Variants in ROR1 observed in about 807,000 individuals in gnomAD.
ROR1 encodes inactive tyrosine-protein kinase transmembrane receptor ROR1.
Under a neutral mutation model 78.8 loss-of-function variants are expected in ROR1, and 19 were observed. That is an observed-to-expected ratio of 0.24 (90% confidence interval 0.17 to 0.35). ROR1 has a LOEUF of 0.35. Ranked by LOEUF, ROR1 falls within the 10% of genes least tolerant of loss-of-function variation. ROR1 has a pLI of 1.00. For synonymous variants in ROR1, 386 were observed against 433.6 expected, an observed-to-expected ratio of 0.89 and a Z score of 1.36; for missense variants, 917 against 1,177.8, an observed-to-expected ratio of 0.78 and a Z score of 3.24.
chr1:63,909,843 T>C (rs1215008900), intron 1 of ROR1, among the ~76,000 whole-genome samples: 1 of 152,200 alleles, frequency 6.6e-6, no homozygotes, highest in Non-Finnish European at 1.5e-5. Context: ...TCCTGGCTTA[T>C]TTTAAAGCAT....
intron 4 of ROR1, among the ~76,000 whole-genome samples, chr1:64,055,620 C>T (rs1278879133): frequency 3.9e-5 from 6 of 152,310 alleles, no homozygotes. Context: ...GGGTTCCATG[C>T]GTACTCTTTA....
intron 2 of ROR1, among the ~76,000 whole-genome samples, chr1:64,014,472 G>T (rs1570059690): frequency 1.3e-5 from 2 of 151,176 alleles, no homozygotes; most frequent in Admixed American, 1.3e-4. Flanking sequence ...GATCTACAGG[G>T]GCTCAACCTC....
At chr1:63,904,944 C>T (rs1038440718) in intron 1 of ROR1, among the ~76,000 whole-genome samples, 3 of 152,164 alleles carry the variant, frequency 2.0e-5, no homozygotes, top group Non-Finnish European at 2.9e-5. Context: ...CCTTAACCTA[C>T]ATTTTAACTG....
At chr1:64,093,744 T>G (rs1647227940) in intron 4 of ROR1, among the ~76,000 whole-genome samples, 1 of 152,086 alleles carries the variant, frequency 6.6e-6, no homozygotes, top group Admixed American at 6.6e-5. Context: ...CAGCTAGAGA[T>G]CTCAGTGCCA....
intron 2 of ROR1, among the ~76,000 whole-genome samples, chr1:64,027,523 C>T (rs564597868): frequency 5.9e-5 from 9 of 152,268 alleles, no homozygotes; most frequent in Non-Finnish European, 1.0e-4. Context: ...TTCTCATACT[C>T]ATTGTTTAAT....
chr1:63,806,743 C>A (rs962446663), intron 1 of ROR1, among the ~76,000 whole-genome samples: 1 of 152,102 alleles, frequency 6.6e-6, no homozygotes, highest in Admixed American at 6.5e-5. Flanking sequence ...ACCTTTGTAT[C>A]TTTGTATTGT....
intron 2 of ROR1, among the ~76,000 whole-genome samples, chr1:64,012,638 G>A (rs1300569683): frequency 1.3e-5 from 2 of 152,108 alleles, no homozygotes; most frequent in African/African-American, 4.8e-5. Flanking sequence ...ATGCATACAA[G>A]GGAGGGGAAG....
intron 2 of ROR1, among the ~76,000 whole-genome samples, chr1:64,043,353 A>G (rs12125506): frequency 0.072 from 10,919 of 152,262 alleles, 656 homozygotes; most frequent in African/African-American, 0.16. Context: ...AATGCCTATG[A>G]AGTTCACAAT....
In ROR1 at chr1:64,177,534, A is replaced by G; in HGVS notation, c.1493A>G (p.Asp498Gly). The G allele has an allele frequency of 6.2e-7, 1 of 1,614,112 alleles. No homozygotes were observed. The highest frequency in any genetic ancestry group is 8.5e-7 in the Non-Finnish European group (1 of 1,180,000). The change falls in exon 9 of 9, where the codon GAC becomes GGC. Residue 498 changes from aspartate to glycine, a missense_variant. Asp to Gly is a moderately conservative substitution (Grantham distance 94). Transcript: ENST00000371079. ...GGCCATCTCTATCTCCCAGGCATGGACCATGCTCAGCTGGTTGCTATCAAG... is the reference window on the plus strand; with the variant it reads ...GGCCATCTCTATCTCCCAGGCATGGGCCATGCTCAGCTGGTTGCTATCAAG... ...YKGHLYLPGM[D>G]HAQLVAIKTL... is the part of the protein sequence containing the mutation.
intron 2 of ROR1, among the ~76,000 whole-genome samples, chr1:64,015,695 C>T (rs955694670): frequency 1.3e-5 from 2 of 152,086 alleles, no homozygotes; most frequent in South Asian, 2.1e-4. Context: ...GCTCTTGGCA[C>T]GTGGCAAGCT....
At chr1:64,154,469 T>C (rs1408143962) in intron 7 of ROR1, among the ~76,000 whole-genome samples, 1 of 152,256 alleles carries the variant, frequency 6.6e-6, no homozygotes, top group Non-Finnish European at 1.5e-5. Context: ...CTTTGCCATA[T>C]TTAAAACCAG....
intron 1 of ROR1, among the ~76,000 whole-genome samples, chr1:63,929,131 G>A (rs1306720311): frequency 6.6e-6 from 1 of 152,178 alleles, no homozygotes; most frequent in South Asian, 2.1e-4. Context: ...AATCCGCTTT[G>A]CTGTGTGTTT....
chr1:63,865,355 G>A (rs958791256), intron 1 of ROR1, among the ~76,000 whole-genome samples: 3 of 152,114 alleles, frequency 2.0e-5, no homozygotes, highest in African/African-American at 7.2e-5. Flanking sequence ...AATACAACTA[G>A]CATGTCCAGT....
At chr1:64,074,013 T>C (rs1254993066) in intron 4 of ROR1, among the ~76,000 whole-genome samples, 1 of 152,220 alleles carries the variant, frequency 6.6e-6, no homozygotes, top group Admixed American at 6.5e-5. Context: ...AGGACAGTTA[T>C]TATTAAAGTG....
intron 1 of ROR1, among the ~76,000 whole-genome samples, chr1:63,863,793 ATTGTATTGT>A (rs1645197894): frequency 7.1e-6 from 1 of 141,662 alleles, no homozygotes; most frequent in African/African-American, 2.8e-5. Flanking sequence ...ATTGTATTGT[ATTGTATTGT>A]ATCATAGATG....
At chr1:63,844,728 T>G (rs1645070448) in intron 1 of ROR1, among the ~76,000 whole-genome samples, 1 of 151,628 alleles carries the variant, frequency 6.6e-6, no homozygotes, top group Non-Finnish European at 1.5e-5. Context: ...GTGCATGTAG[T>G]GAGGAAGCCT....
intron 4 of ROR1, among the ~76,000 whole-genome samples, chr1:64,108,579 G>T (rs1397883764): frequency 6.6e-6 from 1 of 152,058 alleles, no homozygotes; most frequent in East Asian, 1.9e-4. Flanking sequence ...GGCAGAGCTG[G>T]CCGTGGGAAT....
At chr1:64,167,653 T>A (rs1650121828) in intron 8 of ROR1, among the ~76,000 whole-genome samples, 1 of 152,084 alleles carries the variant, frequency 6.6e-6, no homozygotes, top group Admixed American at 6.6e-5. Context: ...GGAAAATAGG[T>A]TTTGGAGTCA....
At chr1:64,161,093 T>C (rs1649929589) in intron 8 of ROR1, among the ~76,000 whole-genome samples, 1 of 152,214 alleles carries the variant, frequency 6.6e-6, no homozygotes, top group Admixed American at 6.5e-5. Context: ...AAGGCTAATA[T>C]ATATATCGAT....
Sources: allele counts gnomAD v4.1 joint callset (sites outside exome capture counted in the v4.1 genomes callset), GRCh38; gene constraint gnomAD v4.1.1; transcripts MANE v1.5; gene names NCBI Gene and HGNC (gene_info 2026-07-23, HGNC 2026-07-21).